The following ADGRL2 variants were observed in gnomAD, a reference collection of about 807,000 sequenced individuals.
ADGRL2 encodes adhesion G protein-coupled receptor L2.
ADGRL2 carries 44 observed loss-of-function variants against 157.4 expected under a neutral mutation model. The ratio of observed to expected loss-of-function variants is 0.28; its 90% CI spans 0.22 to 0.36. ADGRL2 has a LOEUF of 0.36. ADGRL2 is among the 10% of genes least tolerant of loss of function. ADGRL2 has a pLI of 1.00. For missense variants in ADGRL2, 1,510 were observed against 1,768.9 expected (o/e 0.85, Z 2.63); for synonymous variants, 585 against 624.7 (o/e 0.94, Z 0.95).
intron 1 of ADGRL2, among the ~76,000 whole-genome samples, chr1:81,814,582 G>GA (rs951545926): frequency 2.0e-5 from 3 of 151,104 alleles, no homozygotes; most frequent in South Asian, 2.1e-4. Context: ...AACTGTATTG[G>GA]AAAAAAATAT....
rs1402245718 is a variant in ADGRL2, at chr1:81,529,815, T to G, written c.-247-51061T>G. 2.0e-5 allele frequency among the ~76,000 whole-genome samples: 3 copies of G among 152,172 alleles called. No homozygotes were observed. In the East Asian group the frequency reaches 5.8e-4, roughly 29 times the overall value. On this transcript the variant is annotated intron_variant, in intron 2 of 24. Coordinates refer to the ADGRL2 transcript ENST00000370721. ...ACTCAGAAATAAAATCCCAGCAGTC[T>G]AAAGCCCAAAGTCTGCAGTTTCACC...
chr1:81,858,662 A>G (rs1261276002), intron 2 of ADGRL2, among the ~76,000 whole-genome samples: 2 of 152,132 alleles, frequency 1.3e-5, no homozygotes, highest in African/African-American at 4.8e-5. Context: ...AAAGTATCAG[A>G]ATTGGGGTTG....
intron 3 of ADGRL2, among the ~76,000 whole-genome samples, chr1:81,644,089 T>C (rs968021783): frequency 6.6e-6 from 1 of 152,166 alleles, no homozygotes; most frequent in African/African-American, 2.4e-5. Context: ...TATAGTCAAC[T>C]GATCTTTCCA....
chr1:81,569,186 T>C (rs985235041), intron 2 of ADGRL2, among the ~76,000 whole-genome samples: 5 of 152,248 alleles, frequency 3.3e-5, no homozygotes, highest in African/African-American at 1.2e-4. Context: ...AATTACTAGA[T>C]GGTAGAAAGT....
chr1:81,422,929 A>G (rs1038079102), intron 1 of ADGRL2, among the ~76,000 whole-genome samples: 11 of 152,192 alleles, frequency 7.2e-5, no homozygotes, highest in Admixed American at 1.3e-4. Context: ...CGTGTTTCCT[A>G]CAGCCTCCAC....
intron 1 of ADGRL2, among the ~76,000 whole-genome samples, chr1:81,709,455 CAG>C (rs1215385792): frequency 6.6e-6 from 1 of 151,906 alleles, no homozygotes; most frequent in African/African-American, 2.4e-5. Context: ...TTCCCATGTA[CAG>C]AGTTATCAAG....
chr1:81,756,036 T>A (rs2085678966), intron 1 of ADGRL2, among the ~76,000 whole-genome samples: 1 of 152,158 alleles, frequency 6.6e-6, no homozygotes, highest in Non-Finnish European at 1.5e-5. Flanking sequence ...TATCCTTTAA[T>A]CTAAACCAAA....
intron 1 of ADGRL2, among the ~76,000 whole-genome samples, chr1:81,802,409 C>T (rs576074989): frequency 2.0e-5 from 3 of 152,146 alleles, no homozygotes; most frequent in East Asian, 2.0e-4. Context: ...TGCTCGCTCC[C>T]TCCCCCCAAT....
intron 22 of ADGRL2, chr1:81,987,305 T>A: frequency 6.3e-7 from 1 of 1,596,110 alleles, no homozygotes; most frequent in Non-Finnish European, 8.6e-7. Context: ...CATCACATGG[T>A]CTGAGAGCCC....
chr1:81,326,415 C>T (rs773381825), intron 1 of ADGRL2, among the ~76,000 whole-genome samples: 5 of 152,146 alleles, frequency 3.3e-5, no homozygotes, highest in Non-Finnish European at 7.3e-5. Context: ...TCATTCAGGT[C>T]TCAGTAATAA....
chr1:81,858,723 G>A (rs1478932848), intron 2 of ADGRL2, among the ~76,000 whole-genome samples: 2 of 151,934 alleles, frequency 1.3e-5, no homozygotes, highest in South Asian at 2.1e-4. Flanking sequence ...AAAAATGATA[G>A]CAAGTATAAA....
intron 3 of ADGRL2, among the ~76,000 whole-genome samples, chr1:81,590,718 G>GT (rs927345851): frequency 6.6e-6 from 1 of 151,994 alleles, no homozygotes; most frequent in African/African-American, 2.4e-5. Flanking sequence ...TGCATGCTCA[G>GT]TTTTTTTATT....
intron 2 of ADGRL2, among the ~76,000 whole-genome samples, chr1:81,887,956 A>C (rs1417459606): frequency 6.6e-6 from 1 of 152,194 alleles, no homozygotes; most frequent in Non-Finnish European, 1.5e-5. Context: ...GGGATAGAGA[A>C]TTCAGGGAAA....
intron 1 of ADGRL2, among the ~76,000 whole-genome samples, chr1:81,834,495 A>C (rs1175003430): frequency 6.6e-6 from 1 of 152,112 alleles, no homozygotes; most frequent in South Asian, 2.1e-4. Flanking sequence ...TATTCGTTCT[A>C]TTCTTAGCTG....
At chr1:81,901,940 G>A (rs938974074) in intron 2 of ADGRL2, among the ~76,000 whole-genome samples, 6 of 152,130 alleles carry the variant, frequency 3.9e-5, no homozygotes, top group Non-Finnish European at 2.9e-5. Flanking sequence ...ACATGCCCGT[G>A]CCACAGCCTC....
At chr1:81,426,034 C>A (rs905252444) in intron 1 of ADGRL2, among the ~76,000 whole-genome samples, 4 of 152,144 alleles carry the variant, frequency 2.6e-5, no homozygotes, top group Admixed American at 2.6e-4. Context: ...ACCCAGCCAA[C>A]AAATTTATTT....
At chr1:81,810,361 G>C (rs2089706634) in intron 1 of ADGRL2, among the ~76,000 whole-genome samples, 2 of 151,608 alleles carry the variant, frequency 1.3e-5, no homozygotes, top group African/African-American at 4.8e-5. Context: ...GTTTCCCTGT[G>C]TCTTTACTTT....
At chr1:81,731,541 T>C (rs541414093) in intron 1 of ADGRL2, among the ~76,000 whole-genome samples, 39 of 152,320 alleles carry the variant, frequency 2.6e-4, no homozygotes, top group African/African-American at 8.7e-4. Context: ...GCTTATTATA[T>C]ATTCAGTTTG....
intron 1 of ADGRL2, among the ~76,000 whole-genome samples, chr1:81,439,551 C>T (rs759633749): frequency 2.0e-5 from 3 of 152,224 alleles, no homozygotes; most frequent in Non-Finnish European, 4.4e-5. Context: ...CAAGTGAGTG[C>T]AGGATCTGTC....
Sources: gnomAD v4.1 joint callset for allele counts (sites outside exome capture counted in the v4.1 genomes callset) on GRCh38, gnomAD v4.1.1 for gene constraint, MANE v1.5 for transcripts, NCBI Gene and HGNC (gene_info 2026-07-23, HGNC 2026-07-21) for gene names.